ZBTB20: variants seen among roughly 807,000 people sequenced by gnomAD.
ZBTB20 encodes zinc finger and BTB domain containing 20.
In ZBTB20, 9 loss-of-function variants were observed where a neutral mutation model predicts 56.9. The ratio of observed to expected loss-of-function variants is 0.16; its 90% CI spans 0.10 to 0.28. The LOEUF is 0.28. Among genes scored for constraint, ZBTB20 ranks in the 10% least tolerant of loss-of-function variants. The pLI, the probability that ZBTB20 is intolerant of heterozygous loss-of-function variation, is 1.00. For synonymous variants in ZBTB20, 417 were observed against 420.7 expected (o/e 0.99, Z 0.11); for missense variants, 655 against 1,003.0 (o/e 0.65, Z 4.69).
At chr3:115,040,694 T>C (rs1388283205) in intron 2 of ZBTB20, among the ~76,000 whole-genome samples, 1 of 152,114 alleles carries the variant, frequency 6.6e-6, no homozygotes, top group East Asian at 1.9e-4. Flanking sequence ...GGTTTAATCT[T>C]GGGCACAAAG....
At chr3:115,006,637 C>A (rs1404700804) in intron 2 of ZBTB20, among the ~76,000 whole-genome samples, 1 of 151,482 alleles carries the variant, frequency 6.6e-6, no homozygotes, top group Non-Finnish European at 1.5e-5. Context: ...AATCATATAA[C>A]CGTAGCAAAA....
At chr3:114,731,412 A>G (rs1305777047) in intron 5 of ZBTB20, among the ~76,000 whole-genome samples, 3 of 152,194 alleles carry the variant, frequency 2.0e-5, no homozygotes, top group African/African-American at 7.2e-5. Flanking sequence ...TGTAGCCCAT[A>G]ATTCCAGTCT....
intron 5 of ZBTB20, among the ~76,000 whole-genome samples, chr3:114,767,836 G>A (rs2108728662): frequency 6.6e-6 from 1 of 152,154 alleles, no homozygotes; most frequent in East Asian, 1.9e-4. Flanking sequence ...GGTACCAATA[G>A]CTCTAACTCA....
chr3:114,584,809 C>G (rs559995913), intron 6 of ZBTB20, among the ~76,000 whole-genome samples: 28 of 152,198 alleles, frequency 1.8e-4, no homozygotes, highest in African/African-American at 6.0e-4. Flanking sequence ...AAAATAAGTA[C>G]GAGAATGCAA....
chr3:114,557,391 C>A (rs1278255042), intron 6 of ZBTB20, among the ~76,000 whole-genome samples: 1 of 151,936 alleles, frequency 6.6e-6, no homozygotes, highest in South Asian at 2.1e-4. Flanking sequence ...ATACAACCAA[C>A]AATAACCAGT....
chr3:114,501,861 A>C (rs1486612274), intron 6 of ZBTB20, among the ~76,000 whole-genome samples: 1 of 151,418 alleles, frequency 6.6e-6, no homozygotes, highest in Non-Finnish European at 1.5e-5. Context: ...GGCACGCACC[A>C]CCACACCCAG....
chr3:114,900,192 G>T (rs1160707455), intron 4 of ZBTB20, 112 bp downstream of exon 4: 1 of 151,880 alleles, frequency 6.6e-6, no homozygotes, highest in Non-Finnish European at 1.5e-5. Flanking sequence ...AAGTAATCAA[G>T]AATTAACATT....
At chr3:115,146,376 C>CGGGGGGGG (rs144727550) in intron 1 of ZBTB20, among the ~76,000 whole-genome samples, 4 of 135,750 alleles carry the variant, frequency 2.9e-5, no homozygotes, top group Non-Finnish European at 4.8e-5. Context: ...CAGCTGGGGG[C>CGGGGGGGG]GGGGGGTGGG....
At chr3:114,559,644 A>T (rs1339486815) in intron 6 of ZBTB20, among the ~76,000 whole-genome samples, 1 of 152,178 alleles carries the variant, frequency 6.6e-6, no homozygotes, top group Non-Finnish European at 1.5e-5. Flanking sequence ...TCTGAAACAA[A>T]TTATTCTTAA....
intron 3 of ZBTB20, among the ~76,000 whole-genome samples, chr3:114,943,525 A>G (rs2076788659): frequency 6.9e-6 from 1 of 145,576 alleles, no homozygotes; most frequent in Admixed American, 6.6e-5. Context: ...TAATCAGAGA[A>G]CTGGGATTTA....
At position 114,337,796 on chromosome 3, in the gene ZBTB20, C is replaced by T. The variant is rs2079510476; in HGVS notation, c.*1209G>A. On this transcript the variant is annotated 3_prime_UTR_variant, in exon 12 of 12. Coordinates refer to ENST00000675478, the MANE Select transcript of ZBTB20 (RefSeq NM_001348800.3). ...AAGCAGTATCGCTAACCTTAACAGT[C>T]TTGACTTACCAAAAAATATATATAT... The T allele has an allele frequency of 6.6e-6, 1 of 151,878 alleles. No individual in the cohort carries two copies. Among genetic ancestry groups the T allele is most frequent in the South Asian group, 2.1e-4 (1 of 4,816 alleles). 9.4% of individuals were successfully genotyped at this position (151,878 alleles called of 1,614,324 possible). A position where few individuals can be genotyped will look rare whatever the true frequency, so the allele number is the denominator to read the frequency against.
intron 6 of ZBTB20, chr3:114,518,721 C>CT (rs1170641447): frequency 3.3e-5 from 5 of 152,194 alleles, no homozygotes; most frequent in Non-Finnish European, 7.3e-5. Flanking sequence ...ATTCTGGGCC[C>CT]TTTAAGGGAT....
intron 4 of ZBTB20, among the ~76,000 whole-genome samples, chr3:114,828,731 G>T (rs1332833284): frequency 6.6e-6 from 1 of 151,846 alleles, no homozygotes; most frequent in Non-Finnish European, 1.5e-5. Flanking sequence ...AATAGTTTTA[G>T]CATCTTTAGG....
intron 6 of ZBTB20, among the ~76,000 whole-genome samples, chr3:114,625,543 G>T (rs540400928): frequency 6.6e-6 from 1 of 152,242 alleles, no homozygotes; most frequent in Admixed American, 6.5e-5. Flanking sequence ...GTACATTTGG[G>T]TTAATAGTGT....
At chr3:114,989,301 G>C (rs1276402389) in intron 2 of ZBTB20, among the ~76,000 whole-genome samples, 1 of 152,164 alleles carries the variant, frequency 6.6e-6, no homozygotes, top group Non-Finnish European at 1.5e-5. Context: ...AAGGGATCCA[G>C]TTTCAGCTTT....
At chr3:114,694,729 G>A (rs2108334184) in intron 5 of ZBTB20, among the ~76,000 whole-genome samples, 1 of 152,078 alleles carries the variant, frequency 6.6e-6, no homozygotes, top group African/African-American at 2.4e-5. Flanking sequence ...GAAACTTAAT[G>A]AGGATCACCA....
intron 2 of ZBTB20, among the ~76,000 whole-genome samples, chr3:115,018,029 T>C (rs2080044213): frequency 6.6e-6 from 1 of 151,570 alleles, no homozygotes; most frequent in Admixed American, 6.6e-5. Context: ...CTAAGGATTT[T>C]TGTTGTTGTT....
At chr3:114,571,371 T>C (rs1577654456) in intron 6 of ZBTB20, among the ~76,000 whole-genome samples, 1 of 152,196 alleles carries the variant, frequency 6.6e-6, no homozygotes, top group East Asian at 1.9e-4. Context: ...AATTCAAGCT[T>C]ACCTCTCAAG....
intron 1 of ZBTB20, among the ~76,000 whole-genome samples, chr3:115,117,161 G>A (rs2084043679): frequency 6.6e-6 from 1 of 152,000 alleles, no homozygotes; most frequent in African/African-American, 2.4e-5. Flanking sequence ...ACTAACAGAT[G>A]GGACATAAGG....
Sources: gnomAD v4.1 joint callset for allele counts (sites outside exome capture counted in the v4.1 genomes callset) on GRCh38, gnomAD v4.1.1 for gene constraint, MANE v1.5 for transcripts, NCBI Gene and HGNC (gene_info 2026-07-23, HGNC 2026-07-21) for gene names.